Variants in CSGALNACT1 observed in about 807,000 individuals in gnomAD.
The protein encoded by CSGALNACT1 is beta4GalNAcT-1.
A neutral mutation model predicts 51.0 loss-of-function variants in CSGALNACT1; 52 were observed. The ratio of observed to expected loss-of-function variants is 1.02; its 90% CI spans 0.82 to 1.29. The LOEUF (loss-of-function observed/expected upper bound fraction) is 1.29, where lower values mean the gene tolerates loss of function less well. CSGALNACT1 is among the 50% of genes most tolerant of loss of function. The pLI is 0.00. For missense variants in CSGALNACT1, 935 were observed against 679.2 expected, an observed-to-expected ratio of 1.38 and a Z score of -4.19; for synonymous variants, 341 against 254.4, an observed-to-expected ratio of 1.34 and a Z score of -3.24.
chr8:19,434,400 C>T (rs2060075292), intron 6 of CSGALNACT1, among the ~76,000 whole-genome samples: 2 of 152,124 alleles, frequency 1.3e-5, no homozygotes. Context: ...TAACATTTTA[C>T]CACATTTGCT....
At chr8:19,676,544 G>A (rs1430978523) in intron 1 of CSGALNACT1, among the ~76,000 whole-genome samples, 3 of 152,282 alleles carry the variant, frequency 2.0e-5, no homozygotes, top group South Asian at 4.1e-4. Flanking sequence ...AAGACTGAAC[G>A]ATTATAATAA....
intron 3 of CSGALNACT1, among the ~76,000 whole-genome samples, chr8:19,538,181 G>A (rs953399637): frequency 4.6e-5 from 7 of 151,944 alleles, no homozygotes; most frequent in Non-Finnish European, 8.8e-5. Flanking sequence ...AAATAAAAGT[G>A]AGCCAGGCAT....
intron 3 of CSGALNACT1, among the ~76,000 whole-genome samples, chr8:19,525,982 A>G (rs372864704): frequency 5.3e-5 from 8 of 152,184 alleles, no homozygotes; most frequent in African/African-American, 1.2e-4. Context: ...CCATTTTATC[A>G]TATGTGCAAG....
intron 1 of CSGALNACT1, among the ~76,000 whole-genome samples, chr8:19,729,910 A>C (rs1286255479): frequency 6.6e-6 from 1 of 152,168 alleles, no homozygotes; most frequent in East Asian, 1.9e-4. Flanking sequence ...GTGAGAAAGC[A>C]TCATTTTTCA....
At chr8:19,704,572 G>C (rs2062053873) in intron 1 of CSGALNACT1, among the ~76,000 whole-genome samples, 1 of 151,916 alleles carries the variant, frequency 6.6e-6, no homozygotes, top group Non-Finnish European at 1.5e-5. Flanking sequence ...CTCACTTCTG[G>C]GTATATACAC....
At chr8:19,502,222 C>G (rs1337078089) in intron 4 of CSGALNACT1, among the ~76,000 whole-genome samples, 1 of 152,176 alleles carries the variant, frequency 6.6e-6, no homozygotes, top group African/African-American at 2.4e-5. Context: ...GGCAGAGCAT[C>G]TCTGAGAGAT....
intron 6 of CSGALNACT1, among the ~76,000 whole-genome samples, chr8:19,434,258 C>T (rs2060052822): frequency 6.6e-6 from 1 of 152,186 alleles, no homozygotes; most frequent in Admixed American, 6.5e-5. Context: ...ACTGCATGCA[C>T]TAATATCATT....
chr8:19,420,458 CT>C lies in CSGALNACT1; in HGVS notation c.1013del (p.Lys338ArgfsTer36). ...AGAAGCGGGCTCCAACATCAAGTCC[CT>C]TTCCCCGAGAAAATTCTCCATTCAG... On this transcript the variant is annotated frameshift_variant, in exon 7 of 10. Transcript: ENST00000454498. LOFTEE classifies it high-confidence loss of function. 6.2e-7 allele frequency: 1 copy of C among 1,614,214 alleles called. No homozygotes were observed. Among genetic ancestry groups the C allele is most frequent in the Non-Finnish European group, 8.5e-7 (1 of 1,180,050 alleles).
chr8:19,495,012 C>T (rs924881380), intron 4 of CSGALNACT1: 5 of 152,280 alleles, frequency 3.3e-5, no homozygotes, highest in Admixed American at 2.6e-4. Flanking sequence ...ATAAAGTCAT[C>T]TAGGCAAAGG....
chr8:19,480,190 T>G (rs948857045), intron 4 of CSGALNACT1, among the ~76,000 whole-genome samples: 1 of 152,226 alleles, frequency 6.6e-6, no homozygotes, highest in South Asian at 2.1e-4. Context: ...CAGGAATTTA[T>G]TGTACAGATT....
intron 4 of CSGALNACT1, among the ~76,000 whole-genome samples, chr8:19,502,061 A>G (rs1055195919): frequency 1.3e-5 from 2 of 152,376 alleles, no homozygotes; most frequent in African/African-American, 4.8e-5. Context: ...CATCTGTCTG[A>G]TATTTTCCCT....
chr8:19,430,734 G>C (rs1433017087), intron 6 of CSGALNACT1, among the ~76,000 whole-genome samples: 1 of 152,122 alleles, frequency 6.6e-6, no homozygotes, highest in Non-Finnish European at 1.5e-5. Context: ...CTACAAGAAA[G>C]TCATCTTGGA....
intron 1 of CSGALNACT1, among the ~76,000 whole-genome samples, chr8:19,623,333 TG>T (rs2054062325): frequency 6.6e-6 from 1 of 152,232 alleles, no homozygotes. Context: ...TACCTTTCTC[TG>T]GGGTTCACAG....
rs552302537 is a variant in CSGALNACT1, at chr8:19,744,515, C to T, written c.-297+13335G>A. Among the ~76,000 whole-genome samples the T allele has an allele frequency of 2.6e-5, 4 of 152,258 alleles. No homozygotes were observed. In the South Asian group the frequency reaches 8.3e-4, roughly 32 times the overall value. On this transcript the variant is annotated intron_variant, in intron 1 of 1. Transcript: ENST00000517494. ...TTTTATTACCTTCAAGAACACGTAA[C>T]ATGTTGGAAGCCTTCCTGCCCCTAT...
chr8:19,660,125 G>A (rs1278410765), intron 1 of CSGALNACT1, among the ~76,000 whole-genome samples: 1 of 152,220 alleles, frequency 6.6e-6, no homozygotes, highest in Non-Finnish European at 1.5e-5. Flanking sequence ...TGGTCAATCT[G>A]TGGGGCTTCA....
chr8:19,426,791 G>T (rs1460125232), intron 6 of CSGALNACT1, among the ~76,000 whole-genome samples: 1 of 152,130 alleles, frequency 6.6e-6, no homozygotes, highest in Admixed American at 6.5e-5. Context: ...TAATTGACTT[G>T]CATTTCCCAG....
At chr8:19,540,285 T>TA (rs1255726131) in intron 3 of CSGALNACT1, among the ~76,000 whole-genome samples, 1 of 152,174 alleles carries the variant, frequency 6.6e-6, no homozygotes, top group Non-Finnish European at 1.5e-5. Context: ...ATGCAGACGT[T>TA]AAAAAGGCTA....
intron 4 of CSGALNACT1, among the ~76,000 whole-genome samples, chr8:19,480,932 G>A (rs1586897457): frequency 6.6e-6 from 1 of 152,074 alleles, no homozygotes; most frequent in African/African-American, 2.4e-5. Flanking sequence ...TTCCCCTCTT[G>A]TGCCCTGCTG....
chr8:19,406,161 G>C, intron 9 of CSGALNACT1, 92 bp from the exon 9 acceptor site: 1 of 1,427,046 alleles, frequency 7.0e-7, no homozygotes, highest in Non-Finnish European at 9.9e-7. Flanking sequence ...ATTAAGACAT[G>C]ACTGGGGGGG....
Sources: gnomAD v4.1 joint callset for allele counts (sites outside exome capture counted in the v4.1 genomes callset) on GRCh38, gnomAD v4.1.1 for gene constraint, MANE v1.5 for transcripts, NCBI Gene and HGNC (gene_info 2026-07-23, HGNC 2026-07-21) for gene names.